EGFR: variants seen among roughly 807,000 people sequenced by gnomAD.
EGFR encodes avian erythroblastic leukemia viral (v-erb-b) oncogene homolog.
EGFR carries 58 observed loss-of-function variants against 143.0 expected under a neutral mutation model. The ratio of observed to expected loss-of-function variants is 0.41; its 90% CI spans 0.33 to 0.50. The LOEUF (loss-of-function observed/expected upper bound fraction) is 0.50, where lower values mean the gene tolerates loss of function less well. Among genes scored for constraint, EGFR ranks in the 20% least tolerant of loss-of-function variants. The pLI, the probability that EGFR is intolerant of heterozygous loss-of-function variation, is 0.39. For missense variants in EGFR, 1,307 were observed against 1,579.0 expected (o/e 0.83, Z 2.92); for synonymous variants, 613 against 594.4 (o/e 1.03, Z -0.45).
At chr7:55,057,112 TGAC>T (rs1788871841) in intron 1 of EGFR, among the ~76,000 whole-genome samples, 1 of 152,228 alleles carries the variant, frequency 6.6e-6, no homozygotes, top group Non-Finnish European at 1.5e-5. Context: ...GGAAGTAGAT[TGAC>T]CCTCCTGGCT....
At chr7:55,195,137 A>G (rs1260732127) in intron 22 of EGFR, among the ~76,000 whole-genome samples, 1 of 152,364 alleles carries the variant, frequency 6.6e-6, no homozygotes. Context: ...GTTAAATAGT[A>G]GTTAAACTGA....
chr7:55,064,585 T>C (rs1789389981), intron 1 of EGFR, among the ~76,000 whole-genome samples: 1 of 152,154 alleles, frequency 6.6e-6, no homozygotes. Flanking sequence ...TTCTTCAAAC[T>C]CTCAGTCAGT....
chr7:55,204,469 TACACACACCAC>T (rs1788016677), intron 27 of EGFR, among the ~76,000 whole-genome samples: 1 of 125,976 alleles, frequency 7.9e-6, no homozygotes, highest in African/African-American at 3.1e-5. Flanking sequence ...CACACACAAA[TACACACACCAC>T]ACACACACCA....
At chr7:55,097,833 G>A (rs1484172351) in intron 1 of EGFR, among the ~76,000 whole-genome samples, 1 of 150,934 alleles carries the variant, frequency 6.6e-6, no homozygotes, top group Non-Finnish European at 1.5e-5. Flanking sequence ...AAAAAAAAAA[G>A]AACTGGGCTT....
chr7:55,183,329 G>A (rs1235631702), intron 20 of EGFR, among the ~76,000 whole-genome samples: 1 of 152,170 alleles, frequency 6.6e-6, no homozygotes, highest in Non-Finnish European at 1.5e-5. Flanking sequence ...ACTCCGCTAT[G>A]TGTATAAATG....
At chr7:55,067,735 C>T (rs569447663) in intron 1 of EGFR, among the ~76,000 whole-genome samples, 3 of 151,358 alleles carry the variant, frequency 2.0e-5, no homozygotes, top group East Asian at 1.9e-4. Flanking sequence ...TTCATATGCA[C>T]GTACATTGTA....
At chr7:55,178,290 G>A (rs1464302739) in intron 19 of EGFR, among the ~76,000 whole-genome samples, 1 of 152,184 alleles carries the variant, frequency 6.6e-6, no homozygotes. Flanking sequence ...GTGCTTTCTG[G>A]CAATCCCATG....
intron 1 of EGFR, among the ~76,000 whole-genome samples, chr7:55,098,231 T>C (rs1384528224): frequency 4.6e-5 from 7 of 152,174 alleles, no homozygotes; most frequent in Non-Finnish European, 8.8e-5. Flanking sequence ...ACTGATTTTT[T>C]CAAAACCTAA....
At chr7:55,022,615 G>C (rs1049004643) in intron 1 of EGFR, among the ~76,000 whole-genome samples, 3 of 152,160 alleles carry the variant, frequency 2.0e-5, no homozygotes, top group Non-Finnish European at 4.4e-5. Flanking sequence ...TGAAGGGGGG[G>C]TGAGTTTTAA....
chr7:55,163,407 C>G (rs1232372907), intron 13 of EGFR, among the ~76,000 whole-genome samples: 2 of 152,156 alleles, frequency 1.3e-5, no homozygotes, highest in Admixed American at 1.3e-4. Flanking sequence ...ATTTTGATAA[C>G]CATGAATCTG....
At chr7:55,200,199 C>T in intron 23 of EGFR, 117 bp from the exon 24 acceptor site, 1 of 1,020,860 alleles carries the variant, frequency 9.8e-7, no homozygotes, top group Non-Finnish European at 1.5e-6. Context: ...AGACTTGGTT[C>T]TTTCATCACT....
chr7:55,093,843 T>C (rs1210811810), intron 1 of EGFR, among the ~76,000 whole-genome samples: 1 of 152,208 alleles, frequency 6.6e-6, no homozygotes, highest in African/African-American at 2.4e-5. Context: ...GCCTGAATCA[T>C]GCCTGGATGC....
At chr7:55,027,918 A>G (rs986109843) in intron 1 of EGFR, among the ~76,000 whole-genome samples, 26 of 150,282 alleles carry the variant, frequency 1.7e-4, no homozygotes, top group African/African-American at 4.9e-4. Flanking sequence ...TAGATTTGCA[A>G]CAAATAAAGA....
chr7:55,048,802 CA>C (rs1334699904), intron 1 of EGFR, among the ~76,000 whole-genome samples: 1 of 152,170 alleles, frequency 6.6e-6, no homozygotes, highest in East Asian at 1.9e-4. Context: ...GCCACTGATT[CA>C]AATTTCAACT....
intron 1 of EGFR, among the ~76,000 whole-genome samples, chr7:55,068,183 T>C (rs1276887273): frequency 1.3e-5 from 2 of 152,196 alleles, no homozygotes; most frequent in African/African-American, 4.8e-5. Context: ...AACAGTTGTT[T>C]TGGTTTGGCT....
intron 7 of EGFR, among the ~76,000 whole-genome samples, chr7:55,155,586 G>A (rs767148776): frequency 6.6e-6 from 1 of 152,210 alleles, no homozygotes; most frequent in Non-Finnish European, 1.5e-5. Context: ...GCCCCTCAAG[G>A]GACCCAGTGT....
At chr7:55,158,134 C>G (rs1456772532) in intron 11 of EGFR, among the ~76,000 whole-genome samples, 1 of 152,244 alleles carries the variant, frequency 6.6e-6, no homozygotes, top group Non-Finnish European at 1.5e-5. Context: ...CTAACCATGT[C>G]TGTTCAGCTG....
intron 1 of EGFR, among the ~76,000 whole-genome samples, chr7:55,059,730 A>C (rs111408918): frequency 0.014 from 2,086 of 152,338 alleles, 42 homozygotes; most frequent in African/African-American, 0.047. Flanking sequence ...TTAATAAGAT[A>C]AAATAATAGT....
intron 1 of EGFR, among the ~76,000 whole-genome samples, chr7:55,050,699 C>G (rs143858494): frequency 1.8e-3 from 267 of 152,336 alleles, no homozygotes; most frequent in African/African-American, 6.2e-3. Flanking sequence ...TCTTGCTTGT[C>G]ATCCTTGGCT....
Sources: allele counts gnomAD v4.1 joint callset (sites outside exome capture counted in the v4.1 genomes callset), GRCh38; gene constraint gnomAD v4.1.1; transcripts MANE v1.5; gene names NCBI Gene and HGNC (gene_info 2026-07-23, HGNC 2026-07-21).